The following SMARCC1 variants were observed in gnomAD, a reference collection of about 807,000 sequenced individuals.
SMARCC1 encodes SWI/SNF related BAF chromatin remodeling complex subunit C1, also known as SWI/SNF complex subunit SMARCC1.
SMARCC1 carries 43 observed loss-of-function variants against 147.4 expected under a neutral mutation model. The observed-to-expected ratio is 0.29, with a 90% CI of 0.23 to 0.38. The LOEUF is 0.38. SMARCC1 is among the 10% of genes least tolerant of loss of function. SMARCC1 has a pLI of 1.00. For synonymous variants in SMARCC1, 495 were observed against 484.4 expected (o/e 1.02, Z -0.29); for missense variants, 1,119 against 1,381.1 (o/e 0.81, Z 3.01).
chr3:47,741,138 C>A (rs562032966), intron 3 of SMARCC1, among the ~76,000 whole-genome samples: 32 of 151,904 alleles, frequency 2.1e-4, no homozygotes, highest in Admixed American at 6.6e-4. Flanking sequence ...GGCATATAAG[C>A]AAAATCTAAT....
intron 2 of SMARCC1, among the ~76,000 whole-genome samples, chr3:47,764,527 C>T (rs2106865933): frequency 6.6e-6 from 1 of 152,288 alleles, no homozygotes; most frequent in South Asian, 2.1e-4. Flanking sequence ...GGAGTACAAA[C>T]CTGCACTGAA....
rs1297962896 is a variant in SMARCC1, at chr3:47,732,547, G to A, written c.577-3453C>T. ...TCACTACTAGCTTTTTATTTAAAGT[G>A]AGAGATAAGCAACTCTTCCTTTGAC... On this transcript the variant is annotated intron_variant, in intron 5 of 27. Transcript: ENST00000254480. Among the ~76,000 whole-genome samples, 6 of 152,140 alleles carry A rather than the reference G, an allele frequency of 3.9e-5. No individual in the cohort carries two copies. The East Asian group carries it at 1.2e-3, about 29-fold the overall frequency.
At chr3:47,657,558 G>A (rs2033279626) in intron 21 of SMARCC1, among the ~76,000 whole-genome samples, 1 of 152,184 alleles carries the variant, frequency 6.6e-6, no homozygotes, top group Admixed American at 6.5e-5. Flanking sequence ...AGCACTTTGG[G>A]AGGCCAAGGC....
At chr3:47,724,794 G>A (rs759694582) in intron 6 of SMARCC1, among the ~76,000 whole-genome samples, 31 of 152,194 alleles carry the variant, frequency 2.0e-4, no homozygotes, top group South Asian at 1.2e-3. Context: ...AGTGGCTCAC[G>A]CCTGTAATCC....
chr3:47,636,679 CG>C (rs1188399930), intron 22 of SMARCC1, among the ~76,000 whole-genome samples: 5 of 151,922 alleles, frequency 3.3e-5, no homozygotes, highest in African/African-American at 1.2e-4. Flanking sequence ...CTTGAACACC[CG>C]GGAGGCAGAG....
At chr3:47,730,785 G>T (rs936649192) in intron 5 of SMARCC1, among the ~76,000 whole-genome samples, 1 of 151,450 alleles carries the variant, frequency 6.6e-6, no homozygotes, top group Admixed American at 6.6e-5. Context: ...AGAATCCCTT[G>T]AACCCCGGAG....
intron 21 of SMARCC1, among the ~76,000 whole-genome samples, chr3:47,656,551 C>A (rs1010157579): frequency 1.3e-5 from 2 of 152,094 alleles, no homozygotes; most frequent in Non-Finnish European, 2.9e-5. Context: ...ATGCAGTCTA[C>A]AAGAGAGGCA....
chr3:47,612,379 G>A (rs958682743), intron 25 of SMARCC1, among the ~76,000 whole-genome samples: 1 of 152,154 alleles, frequency 6.6e-6, no homozygotes. Flanking sequence ...TGAACAGCTT[G>A]GCTGTAGTCC....
At chr3:47,763,407 T>TAA (rs35782822) in intron 2 of SMARCC1, among the ~76,000 whole-genome samples, 92 of 145,182 alleles carry the variant, frequency 6.3e-4, no homozygotes, top group Admixed American at 9.6e-4. Flanking sequence ...ACTCCAGCTC[T>TAA]AAAAAAAAAA....
At chr3:47,718,813 A>G (rs2034193653) in intron 7 of SMARCC1, among the ~76,000 whole-genome samples, 2 of 152,168 alleles carry the variant, frequency 1.3e-5, no homozygotes, top group South Asian at 4.1e-4. Context: ...AATAAATACT[A>G]AAACTGCTCT....
chr3:47,760,746 C>T (rs181558610), intron 2 of SMARCC1, among the ~76,000 whole-genome samples: 1 of 152,320 alleles, frequency 6.6e-6, no homozygotes, highest in Admixed American at 6.5e-5. Flanking sequence ...AATCCCAGTA[C>T]TTTGGAAGGC....
intron 7 of SMARCC1, among the ~76,000 whole-genome samples, chr3:47,717,328 A>G (rs1229231719): frequency 1.3e-5 from 2 of 152,204 alleles, no homozygotes; most frequent in Non-Finnish European, 2.9e-5. Flanking sequence ...TAGTGCTGCC[A>G]TTGAAAAACT....
At chr3:47,766,272 A>C (rs1576435940) in intron 2 of SMARCC1, among the ~76,000 whole-genome samples, 2 of 152,100 alleles carry the variant, frequency 1.3e-5, no homozygotes, top group Non-Finnish European at 2.9e-5. Flanking sequence ...GCAGAATAAA[A>C]AAACAGCTCT....
At chr3:47,776,073 G>A (rs1446351513) in intron 1 of SMARCC1, among the ~76,000 whole-genome samples, 1 of 151,450 alleles carries the variant, frequency 6.6e-6, no homozygotes, top group African/African-American at 2.4e-5. Flanking sequence ...GCTTGAATCC[G>A]GGAGGCGGAG....
At chr3:47,680,031 G>A (rs895257668) in intron 15 of SMARCC1, among the ~76,000 whole-genome samples, 3 of 151,886 alleles carry the variant, frequency 2.0e-5, no homozygotes, top group Non-Finnish European at 4.4e-5. Flanking sequence ...TGAAACCCCC[G>A]TCTCCACCAA....
chr3:47,741,978 G>T (rs979776850), intron 3 of SMARCC1, among the ~76,000 whole-genome samples: 2 of 151,302 alleles, frequency 1.3e-5, no homozygotes, highest in African/African-American at 4.9e-5. Flanking sequence ...ATCATACAAA[G>T]CTCCTTATTT....
intron 1 of SMARCC1, among the ~76,000 whole-genome samples, chr3:47,780,755 G>A (rs2035036831): frequency 6.6e-6 from 1 of 152,044 alleles, no homozygotes; most frequent in Admixed American, 6.6e-5. Flanking sequence ...CAGAGGCTGG[G>A]GAGCCTTTTC....
In SMARCC1 at chr3:47,738,110, C is replaced by A; in HGVS notation, c.402G>T (p.Trp134Cys). Reference protein sequence around the residue: ...AAYKYKNEQGWRRFDLQNPSR... With the variant: ...AAYKYKNEQGCRRFDLQNPSR... ...ATGGGTTCTGTAGGTCAAACCTCCGCCTAAAAAAAAAGAAAAACCCTAGTT... is the reference window on the plus strand; with the variant it reads ...ATGGGTTCTGTAGGTCAAACCTCCGACTAAAAAAAAAGAAAAACCCTAGTT... Residue 134 changes from tryptophan (W) to cysteine (C), a missense_variant and splice_region_variant, in exon 4 of 28, where the codon TGG becomes TGT. By Grantham distance (215) the Trp-to-Cys change is radical. Around this residue, in one of 6 missense-constraint regions of SMARCC1, gnomAD observed 542 missense variants for 611.8 expected, o/e 0.89. Coordinates refer to ENST00000254480, the MANE Select transcript of SMARCC1 (RefSeq NM_003074.4). 6.5e-7 allele frequency: 1 copy of A among 1,540,710 alleles called. No individual in the cohort carries two copies. Among genetic ancestry groups the A allele is most frequent in the Admixed American group, 2.1e-5 (1 of 48,082 alleles).
At chr3:47,736,743 G>A (rs746846285) in intron 4 of SMARCC1, among the ~76,000 whole-genome samples, 57 of 151,846 alleles carry the variant, frequency 3.8e-4, no homozygotes, top group Non-Finnish European at 7.8e-4. Flanking sequence ...GGCAAAACAT[G>A]TATGTTAACT....
Sources: allele counts gnomAD v4.1 joint callset (sites outside exome capture counted in the v4.1 genomes callset), GRCh38; gene constraint gnomAD v4.1.1; regional missense constraint gnomAD v4.1.1; transcripts MANE v1.5; gene names NCBI Gene and HGNC (gene_info 2026-07-23, HGNC 2026-07-21).